PEPD: variants seen among roughly 807,000 people sequenced by gnomAD.
PEPD encodes xaa-Pro dipeptidase.
Under a neutral mutation model 60.7 loss-of-function variants are expected in PEPD, and 53 were observed. The ratio of observed to expected loss-of-function variants is 0.87; its 90% CI spans 0.70 to 1.10. The LOEUF is 1.10. Among genes scored for constraint, PEPD ranks in the 50% least tolerant of loss-of-function variants. PEPD has a pLI of 0.00. For synonymous variants in PEPD, 267 were observed against 284.1 expected, an observed-to-expected ratio of 0.94 and a Z score of 0.60; for missense variants, 711 against 711.9, an observed-to-expected ratio of 1.00 and a Z score of 0.01.
At chr19:33,512,216 T>TC (rs1164705707) in intron 2 of PEPD, among the ~76,000 whole-genome samples, 1 of 152,164 alleles carries the variant, frequency 6.6e-6, no homozygotes, top group Non-Finnish European at 1.5e-5. Flanking sequence ...GCAAGTCATT[T>TC]CCCCTCTGAG....
intron 12 of PEPD, among the ~76,000 whole-genome samples, chr19:33,393,449 G>A (rs1010897277): frequency 1.3e-5 from 2 of 148,210 alleles, no homozygotes; most frequent in African/African-American, 5.3e-5. Context: ...CCCGGAAAAG[G>A]ACACCTGGAT....
intron 13 of PEPD, 72 bp downstream of exon 13, chr19:33,391,223 C>T: frequency 7.9e-7 from 1 of 1,272,366 alleles, no homozygotes; most frequent in Non-Finnish European, 1.1e-6. Context: ...CCTAGAGTCC[C>T]ACCCTGCCCT....
intron 9 of PEPD, among the ~76,000 whole-genome samples, chr19:33,444,518 C>A (rs535060643): frequency 6.6e-6 from 1 of 151,228 alleles, no homozygotes; most frequent in Non-Finnish European, 1.5e-5. Flanking sequence ...GTGGTGGGGA[C>A]TCAGGGCCCC....
At chr19:33,404,460 C>T (rs140083036) in intron 11 of PEPD, among the ~76,000 whole-genome samples, 1 of 41,938 alleles carries the variant, frequency 2.4e-5, no homozygotes, top group Non-Finnish European at 4.4e-5. Flanking sequence ...GTTTAAAAAA[C>T]AACAACAACA....
chr19:33,387,006 G>GAAAGT lies in PEPD; in HGVS notation c.*333_*337dup, dbSNP rs140842. On this transcript the variant is annotated 3_prime_UTR_variant, in exon 15 of 15. Coordinates refer to ENST00000244137, the MANE Select transcript of PEPD (RefSeq NM_000285.4). ...CCATTCTGCATATTGATTTTTGACA[G>GAAAGT]AAAGTATCAGAAATGCTTCTTTCCT... 0.25 allele frequency: 82,415 copies of GAAAGT among 328,826 alleles called. 11,394 individuals are homozygous for GAAAGT. Among genetic ancestry groups the GAAAGT allele is most frequent in the African/African-American group, 0.39 (18,318 of 47,064 alleles). The allele number at this position is 328,826 out of a possible 1,614,324, so 20.4% of individuals were successfully genotyped here.
At chr19:33,489,180 G>C (rs895879371) in intron 6 of PEPD, among the ~76,000 whole-genome samples, 1 of 152,176 alleles carries the variant, frequency 6.6e-6, no homozygotes, top group Non-Finnish European at 1.5e-5. Context: ...GGAGAGAAAA[G>C]GGGAACCGCT....
At chr19:33,475,570 A>G (rs1378911598) in intron 7 of PEPD, among the ~76,000 whole-genome samples, 1 of 152,188 alleles carries the variant, frequency 6.6e-6, no homozygotes, top group East Asian at 1.9e-4. Flanking sequence ...CTCGACCTCA[A>G]AGCCTCGAAA....
chr19:33,488,421 G>A (rs780079025), intron 6 of PEPD, among the ~76,000 whole-genome samples: 8 of 152,080 alleles, frequency 5.3e-5, no homozygotes, highest in Non-Finnish European at 1.0e-4. Flanking sequence ...TGGCATGGTC[G>A]AGGAAAGGTG....
Position 33,387,965 on chromosome 19 carries a change from A to G in PEPD, c.1269T>C (p.Asp423=), listed in dbSNP as rs755893460. The change falls in exon 14 of 15, where the codon GAT becomes GAC. Residue 423 remains aspartate, a synonymous_variant. Transcript: ENST00000244137. The part of the protein sequence containing the change: ...PGIYFIDHLL[D]EALADPARAS... ...CGCGGGCCGGGTCCGCCAGGGCCTC[A>G]TCCAGGAGGTGGTCGATGAAGTAGA... 4 of 1,596,730 alleles carry G rather than the reference A, an allele frequency of 2.5e-6. No individual in the cohort carries two copies. In the Admixed American group the frequency reaches 5.2e-5, roughly 21 times the overall value.
intron 6 of PEPD, among the ~76,000 whole-genome samples, chr19:33,478,365 T>C (rs919369246): frequency 5.9e-5 from 9 of 152,176 alleles, no homozygotes; most frequent in Non-Finnish European, 1.0e-4. Flanking sequence ...TAGTCTCTTG[T>C]GTCAAGTATA....
intron 9 of PEPD, among the ~76,000 whole-genome samples, chr19:33,445,251 G>A (rs753617662): frequency 5.3e-5 from 8 of 152,222 alleles, no homozygotes; most frequent in Non-Finnish European, 8.8e-5. Context: ...CCTCGCTGCT[G>A]AATCAGCATG....
At chr19:33,438,239 A>G (rs1289638456) in intron 9 of PEPD, among the ~76,000 whole-genome samples, 1 of 152,212 alleles carries the variant, frequency 6.6e-6, no homozygotes, top group African/African-American at 2.4e-5. Context: ...TGCTGGGCCC[A>G]GAACGACTCC....
chr19:33,419,016 A>G (rs1013459370), intron 9 of PEPD, among the ~76,000 whole-genome samples: 21 of 152,214 alleles, frequency 1.4e-4, no homozygotes, highest in African/African-American at 5.1e-4. Flanking sequence ...CGGCTTCAGC[A>G]GCTTGCTCTG....
Position 33,433,961 on chromosome 19 carries a change from T to C in PEPD, c.672-20318A>G, listed in dbSNP as rs535071223. 3.0e-4 allele frequency among the ~76,000 whole-genome samples: 44 copies of C among 148,698 alleles called. 1 individual carries two copies. Among genetic ancestry groups the C allele is most frequent in the Middle Eastern group, 3.4e-3 (1 of 292 alleles). On this transcript the variant is annotated intron_variant, in intron 9 of 14. Coordinates refer to ENST00000244137, the MANE Select transcript of PEPD (RefSeq NM_000285.4). The stretch of plus-strand genomic sequence containing the variant: ...ACCACACCCATCTTAAATACCCAGA[T>C]TGATGACATCTCACAAACGTGCCCC...
intron 6 of PEPD, among the ~76,000 whole-genome samples, chr19:33,481,766 T>G (rs1413196328): frequency 6.6e-6 from 1 of 152,246 alleles, no homozygotes; most frequent in Non-Finnish European, 1.5e-5. Context: ...CAGTGGCTCA[T>G]GCCTGTAATC....
chr19:33,501,604 G>A (rs1336504455), intron 3 of PEPD, among the ~76,000 whole-genome samples: 1 of 152,094 alleles, frequency 6.6e-6, no homozygotes, highest in Non-Finnish European at 1.5e-5. Context: ...TTGAACCCAG[G>A]AGGCGGAGGT....
chr19:33,387,538 A>G (rs1968104394), intron 14 of PEPD, 57 bp from the exon 15 acceptor site: 2 of 1,606,652 alleles, frequency 1.2e-6, no homozygotes, highest in Non-Finnish European at 1.7e-6. Flanking sequence ...GCCAGGCTAG[A>G]GGGCCGGGCC....
intron 1 of PEPD, among the ~76,000 whole-genome samples, chr19:33,515,129 G>C (rs1336644357): frequency 6.6e-6 from 1 of 152,196 alleles, no homozygotes; most frequent in Admixed American, 6.5e-5. Context: ...GCCCTCGCCT[G>C]GTGCCTTGCC....
chr19:33,521,433 C>T (rs1411767655), intron 1 of PEPD, among the ~76,000 whole-genome samples: 1 of 152,220 alleles, frequency 6.6e-6, no homozygotes. Context: ...CGCCCTCCTA[C>T]CCGGGGGTCT....
Sources: allele counts gnomAD v4.1 joint callset (sites outside exome capture counted in the v4.1 genomes callset), GRCh38; gene constraint gnomAD v4.1.1; transcripts MANE v1.5; gene names NCBI Gene and HGNC (gene_info 2026-07-23, HGNC 2026-07-21).